Variants in THRB observed in about 807,000 individuals in gnomAD.
THRB encodes thyroid hormone receptor beta.
A neutral mutation model predicts 47.8 loss-of-function variants in THRB; 12 were observed. The observed-to-expected ratio is 0.25, with a 90% CI of 0.16 to 0.41. THRB has a LOEUF of 0.41. Ranked by LOEUF, THRB falls within the 10% of genes least tolerant of loss-of-function variation. The probability of loss-of-function intolerance (pLI) is 1.00; values close to 1 mark genes in which losing one functional copy is unlikely to be tolerated. For synonymous variants in THRB, 218 were observed against 212.2 expected (o/e 1.03, Z -0.24); for missense variants, 348 against 589.2 (o/e 0.59, Z 4.24).
Position 24,133,419 on chromosome 3 carries a change from C to A in THRB, c.782G>T (p.Gly261Val). ...GAAGGCTTCCAAGTCAACCTTTCCACCTTCTGGGGCATTGACTATTGGTGC... is the reference window on the plus strand; with the variant it reads ...GAAGGCTTCCAAGTCAACCTTTCCAACTTCTGGGGCATTGACTATTGGTGC... ...GQAPIVNAPE[G>V]GKVDLEAFSH... Residue 261 changes from glycine (G) to valine (V), a missense_variant, in exon 9 of 11, where the codon GGT becomes GTT. Gly to Val is a moderately radical substitution (Grantham distance 109). Around this residue, in one of 5 missense-constraint regions of THRB, gnomAD observed 112 missense variants for 212.3 expected, o/e 0.53. Coordinates refer to ENST00000646209, the MANE Select transcript of THRB (RefSeq NM_001354712.2). 1 of 1,614,136 alleles carries A rather than the reference C, an allele frequency of 6.2e-7. No homozygotes were observed. Among genetic ancestry groups the A allele is most frequent in the Non-Finnish European group, 8.5e-7 (1 of 1,180,006 alleles).
intron 1 of THRB, among the ~76,000 whole-genome samples, chr3:24,385,835 G>A (rs551419763): frequency 3.0e-4 from 46 of 152,046 alleles, no homozygotes; most frequent in Non-Finnish European, 6.2e-4. Context: ...CATGAATCCT[G>A]CCCTTTTCCT....
At chr3:24,436,305 G>T (rs2070942105) in intron 1 of THRB, among the ~76,000 whole-genome samples, 1 of 151,984 alleles carries the variant, frequency 6.6e-6, no homozygotes, top group East Asian at 1.9e-4. Context: ...CACTGTAAGG[G>T]AACATAAGAA....
intron 1 of THRB, among the ~76,000 whole-genome samples, chr3:24,483,220 AAC>A (rs1328015345): frequency 6.6e-6 from 1 of 152,142 alleles, no homozygotes; most frequent in Non-Finnish European, 1.5e-5. Context: ...TATTTAATAA[AAC>A]ACACTTATAA....
intron 1 of THRB, among the ~76,000 whole-genome samples, chr3:24,397,395 C>A (rs2067042773): frequency 1.3e-5 from 2 of 152,220 alleles, no homozygotes; most frequent in Non-Finnish European, 2.9e-5. Flanking sequence ...TGAAACCAGA[C>A]TCATAACATA....
intron 1 of THRB, among the ~76,000 whole-genome samples, chr3:24,341,788 G>A (rs1205094211): frequency 6.6e-6 from 1 of 152,154 alleles, no homozygotes; most frequent in Non-Finnish European, 1.5e-5. Flanking sequence ...TTGCTCTCCT[G>A]TGATTGCCAT....
intron 1 of THRB, among the ~76,000 whole-genome samples, chr3:24,428,636 C>A (rs1315179461): frequency 6.6e-6 from 1 of 151,908 alleles, no homozygotes; most frequent in African/African-American, 2.4e-5. Context: ...GCTAAAGCTG[C>A]AGAGAAAATG....
chr3:24,425,647 A>G (rs953971768), intron 1 of THRB, among the ~76,000 whole-genome samples: 4 of 151,938 alleles, frequency 2.6e-5, no homozygotes, highest in African/African-American at 9.7e-5. Context: ...TTCCTTTCCT[A>G]GGCCTGAGCT....
intron 3 of THRB, among the ~76,000 whole-genome samples, chr3:24,247,380 T>A (rs1291975492): frequency 6.6e-6 from 1 of 152,214 alleles, no homozygotes; most frequent in African/African-American, 2.4e-5. Context: ...AGGATTCTGC[T>A]GCCTCCTTTA....
intron 1 of THRB, among the ~76,000 whole-genome samples, chr3:24,449,243 T>C (rs1409613842): frequency 1.3e-5 from 2 of 152,220 alleles, no homozygotes; most frequent in East Asian, 1.9e-4. Context: ...GGAGTGTTCC[T>C]TATTTTAAAT....
chr3:24,128,619 G>C (rs2033307802), intron 9 of THRB, among the ~76,000 whole-genome samples: 1 of 152,146 alleles, frequency 6.6e-6, no homozygotes, highest in Non-Finnish European at 1.5e-5. Flanking sequence ...TTAGTAAATG[G>C]GTGTGTTTGA....
intron 6 of THRB, among the ~76,000 whole-genome samples, chr3:24,149,369 C>G (rs1389986580): frequency 6.6e-6 from 1 of 152,162 alleles, no homozygotes; most frequent in Non-Finnish European, 1.5e-5. Flanking sequence ...ACCCTTGTCT[C>G]CCTCATACTC....
intron 2 of THRB, among the ~76,000 whole-genome samples, chr3:24,299,384 G>C (rs1415816471): frequency 6.6e-6 from 1 of 152,088 alleles, no homozygotes; most frequent in Non-Finnish European, 1.5e-5. Context: ...AAAGAGCCTG[G>C]GCTGTGTAGT....
At chr3:24,242,027 T>A (rs1455175909) in intron 3 of THRB, among the ~76,000 whole-genome samples, 7 of 152,196 alleles carry the variant, frequency 4.6e-5, no homozygotes, top group African/African-American at 1.7e-4. Context: ...CATGAGTTAT[T>A]TCTTGAAGCT....
intron 1 of THRB, among the ~76,000 whole-genome samples, chr3:24,406,367 T>C (rs2150130681): frequency 6.6e-6 from 1 of 151,922 alleles, no homozygotes; most frequent in South Asian, 2.1e-4. Context: ...ATCAAGTACT[T>C]TGGTCACCTA....
At chr3:24,376,559 A>G (rs1202832312) in intron 1 of THRB, among the ~76,000 whole-genome samples, 1 of 152,170 alleles carries the variant, frequency 6.6e-6, no homozygotes, top group Non-Finnish European at 1.5e-5. Flanking sequence ...AGGGTGTTTG[A>G]GGGCTACAAA....
At chr3:24,272,068 C>CATAG (rs2053392612) in intron 3 of THRB, among the ~76,000 whole-genome samples, 1 of 152,144 alleles carries the variant, frequency 6.6e-6, no homozygotes, top group Non-Finnish European at 1.5e-5. Flanking sequence ...ATAGTCTGGG[C>CATAG]ATAGGGCTTA....
intron 4 of THRB, among the ~76,000 whole-genome samples, chr3:24,205,719 A>T (rs2045256077): frequency 6.6e-6 from 1 of 152,222 alleles, no homozygotes; most frequent in South Asian, 2.1e-4. Context: ...TTGGATAAAG[A>T]GTCAAGACCC....
chr3:24,461,179 T>C (rs898292929), intron 1 of THRB, among the ~76,000 whole-genome samples: 3 of 152,072 alleles, frequency 2.0e-5, no homozygotes, highest in Non-Finnish European at 2.9e-5. Context: ...TTTGGAGAGG[T>C]TGGCTACAGT....
At chr3:24,251,030 G>T (rs1387904985) in intron 3 of THRB, among the ~76,000 whole-genome samples, 2 of 151,626 alleles carry the variant, frequency 1.3e-5, no homozygotes, top group Non-Finnish European at 2.9e-5. Context: ...AGAAAAAAAA[G>T]AAAGAAAATC....
Sources: allele counts gnomAD v4.1 joint callset (sites outside exome capture counted in the v4.1 genomes callset), GRCh38; gene constraint gnomAD v4.1.1; regional missense constraint gnomAD v4.1.1; transcripts MANE v1.5; gene names NCBI Gene and HGNC (gene_info 2026-07-23, HGNC 2026-07-21).